PKP4: variants seen among roughly 807,000 people sequenced by gnomAD.
PKP4 encodes the protein plakophilin-4.
PKP4 carries 90 observed loss-of-function variants against 145.1 expected under a neutral mutation model. That is an observed-to-expected ratio of 0.62 (90% CI 0.52 to 0.74). The LOEUF is 0.74. PKP4 is among the 30% of genes least tolerant of loss of function. PKP4 has a pLI of 0.00. For missense variants in PKP4, 1,340 were observed against 1,482.7 expected (o/e 0.90, Z 1.58); for synonymous variants, 563 against 577.2 (o/e 0.98, Z 0.35).
In PKP4 at chr2:158,680,954, T is replaced by C. The variant is rs1175157431; in HGVS notation, c.*277T>C. ...CGTGATGAGAGGTTTGAGAAATGGG[T>C]GAAATGAAATGGGGGATATGTAGGT... On this transcript the variant is annotated 3_prime_UTR_variant, in exon 22 of 22. Coordinates refer to ENST00000389759, the MANE Select transcript of PKP4 (RefSeq NM_003628.6). 3 of 327,470 alleles carry C rather than the reference T, an allele frequency of 9.2e-6. No individual in the cohort carries two copies. The highest frequency in any genetic ancestry group is 2.1e-5 in the African/African-American group (1 of 47,068). 20.3% of individuals were successfully genotyped at this position (327,470 alleles called of 1,614,324 possible). A position where few individuals can be genotyped will look rare whatever the true frequency, so the allele number is the denominator to read the frequency against.
At chr2:158,560,357 C>G (rs545700188) in intron 2 of PKP4, among the ~76,000 whole-genome samples, 1 of 152,138 alleles carries the variant, frequency 6.6e-6, no homozygotes, top group East Asian at 1.9e-4. Context: ...GCTTCAGCCA[C>G]TACTTCCTTC....
chr2:158,663,872 G>A (rs541247544), intron 15 of PKP4, among the ~76,000 whole-genome samples: 1 of 152,352 alleles, frequency 6.6e-6, no homozygotes, highest in Non-Finnish European at 1.5e-5. Context: ...TGTAGAGGCT[G>A]AGGCTGTGGT....
intron 4 of PKP4, among the ~76,000 whole-genome samples, chr2:158,608,478 A>G (rs975392004): frequency 2.6e-5 from 4 of 152,202 alleles, no homozygotes; most frequent in African/African-American, 9.7e-5. Flanking sequence ...AGGTGTGTCC[A>G]TAATTCACAC....
At chr2:158,528,829 A>T (rs2043233232) in intron 1 of PKP4, among the ~76,000 whole-genome samples, 1 of 152,168 alleles carries the variant, frequency 6.6e-6, no homozygotes, top group Non-Finnish European at 1.5e-5. Context: ...CTAATGCTAC[A>T]ATTTCCAGTA....
At chr2:158,605,289 C>T (rs1211577591) in intron 4 of PKP4, among the ~76,000 whole-genome samples, 3 of 152,152 alleles carry the variant, frequency 2.0e-5, no homozygotes, top group African/African-American at 4.8e-5. Context: ...TTTTTTCTCT[C>T]CTACTTCATG....
chr2:158,595,341 C>T (rs1316202569), intron 3 of PKP4, among the ~76,000 whole-genome samples: 1 of 152,138 alleles, frequency 6.6e-6, no homozygotes, highest in Non-Finnish European at 1.5e-5. Flanking sequence ...AAAATGAGCT[C>T]ACGGACATTC....
chr2:158,554,656 A>G (rs573597331), intron 2 of PKP4, among the ~76,000 whole-genome samples: 1 of 152,124 alleles, frequency 6.6e-6, no homozygotes, highest in South Asian at 2.1e-4. Flanking sequence ...CGATCTCCTG[A>G]CCTCGTGATC....
At chr2:158,528,669 G>GAAAAAAAAA (rs59566011) in intron 1 of PKP4, among the ~76,000 whole-genome samples, 6 of 85,964 alleles carry the variant, frequency 7.0e-5, no homozygotes, top group Admixed American at 1.4e-4. Flanking sequence ...CTTACTAAAT[G>GAAAAAAAAA]AAAAAAAAAA....
chr2:158,644,334 G>A lies in PKP4; in HGVS notation c.1909+1635G>A, dbSNP rs546256517. Among the ~76,000 whole-genome samples, 75 of 152,284 alleles carry A rather than the reference G, an allele frequency of 4.9e-4. 2 individuals are homozygous for A. Among genetic ancestry groups the A allele is most frequent in the Admixed American group, 2.5e-3 (38 of 15,286 alleles). On this transcript the variant is annotated intron_variant, in intron 11 of 21. Transcript: ENST00000389759. ...GTCTGGGCATGATGGTCGGAAGTGC[G>A]GAGTGAGAGAGAGGGAGAAGTGAGT...
rs573648420 is a variant in PKP4 at position 158,479,920 on chromosome 2, C to T, written c.-6+22702C>T. On this transcript the variant is annotated intron_variant, in intron 1 of 21. Coordinates refer to ENST00000389759, the MANE Select transcript of PKP4 (RefSeq NM_003628.6). ...CCCATAAACTGGTTCCACAGTTTTGCTTCTGCCCTAGCTACAACCGGGGCT... is the reference window on the plus strand; with the variant it reads ...CCCATAAACTGGTTCCACAGTTTTGTTTCTGCCCTAGCTACAACCGGGGCT... Among the ~76,000 whole-genome samples the T allele has an allele frequency of 3.9e-5, 6 of 152,294 alleles. No individual in the cohort carries two copies. In the South Asian group the frequency reaches 1.2e-3, roughly 32 times the overall value.
chr2:158,587,195 T>C (rs1315323776), intron 3 of PKP4, among the ~76,000 whole-genome samples: 7 of 152,170 alleles, frequency 4.6e-5, no homozygotes, highest in African/African-American at 1.7e-4. Context: ...GTGGTTAAAA[T>C]GGAGGCACCT....
intron 2 of PKP4, among the ~76,000 whole-genome samples, chr2:158,538,482 A>G (rs893424732): frequency 1.3e-5 from 2 of 151,418 alleles, no homozygotes; most frequent in Non-Finnish European, 2.9e-5. Context: ...AGTTGCTTGA[A>G]TAATTGAGAT....
intron 1 of PKP4, among the ~76,000 whole-genome samples, chr2:158,498,911 A>T (rs558294019): frequency 6.7e-6 from 1 of 149,788 alleles, no homozygotes; most frequent in South Asian, 2.1e-4. Flanking sequence ...AGCACAGCTG[A>T]TGGTGGTGAC....
chr2:158,564,277 T>TACTCAGTTC (rs1378212425), intron 2 of PKP4, among the ~76,000 whole-genome samples: 95 of 152,294 alleles, frequency 6.2e-4, no homozygotes, highest in African/African-American at 2.2e-3. Context: ...TGTTGTGTTT[T>TACTCAGTTC]ACTCAGTTCT....
At chr2:158,510,893 C>T (rs577215138) in intron 1 of PKP4, among the ~76,000 whole-genome samples, 52 of 152,338 alleles carry the variant, frequency 3.4e-4, no homozygotes, top group East Asian at 9.7e-4. Context: ...AGATTTTGCC[C>T]GAGATTTCTT....
intron 11 of PKP4, among the ~76,000 whole-genome samples, chr2:158,643,735 A>T (rs1230920419): frequency 6.6e-6 from 1 of 151,462 alleles, no homozygotes; most frequent in Non-Finnish European, 1.5e-5. Context: ...AAAAGAAAAG[A>T]AAACAAGGCC....
At chr2:158,608,637 A>T (rs968821799) in intron 4 of PKP4, among the ~76,000 whole-genome samples, 19 of 152,072 alleles carry the variant, frequency 1.2e-4, no homozygotes, top group African/African-American at 4.6e-4. Context: ...CACAACTGGT[A>T]TTTACTTTCT....
At chr2:158,522,875 C>T (rs1167499191) in intron 1 of PKP4, among the ~76,000 whole-genome samples, 2 of 152,158 alleles carry the variant, frequency 1.3e-5, no homozygotes, top group East Asian at 1.9e-4. Flanking sequence ...GTGACGGACG[C>T]ACCTGGAAAA....
intron 2 of PKP4, among the ~76,000 whole-genome samples, chr2:158,555,228 G>C (rs2045989696): frequency 6.6e-6 from 1 of 152,200 alleles, no homozygotes; most frequent in South Asian, 2.1e-4. Flanking sequence ...ATTAAGGTTT[G>C]AGTTGTTCAG....
Sources: allele counts gnomAD v4.1 joint callset (sites outside exome capture counted in the v4.1 genomes callset), GRCh38; gene constraint gnomAD v4.1.1; transcripts MANE v1.5; gene names NCBI Gene and HGNC (gene_info 2026-07-23, HGNC 2026-07-21).